FAM110B: variants seen among roughly 807,000 people sequenced by gnomAD.
FAM110B encodes family with sequence similarity 110 member B, also known as protein FAM110B.
FAM110B carries 6 observed loss-of-function variants against 20.4 expected under a neutral mutation model. The observed-to-expected ratio is 0.29, with a 90% confidence interval of 0.16 to 0.58. The LOEUF is 0.58. Among genes scored for constraint, FAM110B ranks in the 20% least tolerant of loss-of-function variants. FAM110B has a pLI of 0.90. For synonymous variants in FAM110B, 226 were observed against 214.1 expected (o/e 1.06, Z -0.49); for missense variants, 434 against 498.2 (o/e 0.87, Z 1.23).
At chr8:58,142,265 C>G (rs531232848) in intron 3 of FAM110B, among the ~76,000 whole-genome samples, 2 of 152,314 alleles carry the variant, frequency 1.3e-5, no homozygotes, top group Admixed American at 1.3e-4. Context: ...GGGCTTCCCC[C>G]CTTTCCTGTT....
chr8:58,145,326 T>TC (rs902228481), intron 3 of FAM110B, among the ~76,000 whole-genome samples: 2 of 152,166 alleles, frequency 1.3e-5, no homozygotes, highest in African/African-American at 4.8e-5. Flanking sequence ...TTTTTTTTTT[T>TC]TTTTTAAACT....
intron 2 of FAM110B, among the ~76,000 whole-genome samples, chr8:58,059,005 G>A (rs997023468): frequency 4.6e-5 from 7 of 152,016 alleles, no homozygotes; most frequent in African/African-American, 1.4e-4. Flanking sequence ...TTCTATAATC[G>A]TGAGTTAGTT....
At chr8:58,075,197 C>T (rs1806002480) in intron 2 of FAM110B, among the ~76,000 whole-genome samples, 1 of 151,506 alleles carries the variant, frequency 6.6e-6, no homozygotes, top group South Asian at 2.1e-4. Context: ...CCTCCACCTC[C>T]CAGGTTCAAG....
chr8:58,006,656 G>A (rs1804409652), intron 1 of FAM110B, among the ~76,000 whole-genome samples: 2 of 150,606 alleles, frequency 1.3e-5, no homozygotes, highest in Non-Finnish European at 3.0e-5. Context: ...AGGCTGGAGT[G>A]CAGTGGCACG....
intron 2 of FAM110B, among the ~76,000 whole-genome samples, chr8:58,038,409 C>T (rs943932654): frequency 1.3e-5 from 2 of 152,104 alleles, no homozygotes; most frequent in Admixed American, 1.3e-4. Context: ...TTCACAATTG[C>T]CTTGTAAATA....
chr8:58,129,805 TCTTA>T (rs1381064438), intron 3 of FAM110B, among the ~76,000 whole-genome samples: 1 of 152,194 alleles, frequency 6.6e-6, no homozygotes, highest in Non-Finnish European at 1.5e-5. Context: ...TTTCTTCCGC[TCTTA>T]CTTTTTTCAT....
chr8:58,074,630 A>T (rs1329373575), intron 2 of FAM110B, among the ~76,000 whole-genome samples: 1 of 152,190 alleles, frequency 6.6e-6, no homozygotes, highest in Non-Finnish European at 1.5e-5. Flanking sequence ...CTTGAATAGT[A>T]CTTGGTCCAT....
At chr8:58,075,271 T>G (rs34428714) in intron 2 of FAM110B, among the ~76,000 whole-genome samples, 19,197 of 134,322 alleles carry the variant, frequency 0.14, 1,394 homozygotes, top group African/African-American at 0.25. Context: ...GCTTTTTTTT[T>G]TTTTTGTGTG....
intron 3 of FAM110B, among the ~76,000 whole-genome samples, chr8:58,114,467 A>G (rs1807146679): frequency 6.6e-6 from 1 of 152,196 alleles, no homozygotes; most frequent in Admixed American, 6.5e-5. Flanking sequence ...AGCCAGCCTC[A>G]TGCTGACCTC....
At chr8:58,090,132 A>G (rs975691574) in intron 3 of FAM110B, among the ~76,000 whole-genome samples, 4 of 152,152 alleles carry the variant, frequency 2.6e-5, no homozygotes, top group Non-Finnish European at 5.9e-5. Context: ...ACTTCCACTT[A>G]ATGAATAGTA....
intron 1 of FAM110B, among the ~76,000 whole-genome samples, chr8:58,011,535 C>T (rs942423347): frequency 1.3e-5 from 2 of 152,140 alleles, no homozygotes; most frequent in Non-Finnish European, 1.5e-5. Context: ...ATGTATGTTA[C>T]GTATATGTTT....
intron 3 of FAM110B, among the ~76,000 whole-genome samples, chr8:58,094,823 G>A (rs141936286): frequency 6.6e-6 from 1 of 152,284 alleles, no homozygotes; most frequent in East Asian, 1.9e-4. Flanking sequence ...CACAAGGAAT[G>A]GTACCAGTTC....
chr8:58,020,407 AT>A (rs1804727907), intron 1 of FAM110B, among the ~76,000 whole-genome samples: 1 of 152,226 alleles, frequency 6.6e-6, no homozygotes, highest in Admixed American at 6.5e-5. Flanking sequence ...TGTACACAAA[AT>A]AATAATATTT....
chr8:58,104,761 T>C (rs931824899), intron 3 of FAM110B, among the ~76,000 whole-genome samples: 4 of 152,186 alleles, frequency 2.6e-5, no homozygotes, highest in African/African-American at 9.7e-5. Context: ...TTGCTTCAAG[T>C]ACTATTTCAA....
chr8:58,053,132 C>T (rs1805486190), intron 2 of FAM110B, among the ~76,000 whole-genome samples: 1 of 152,156 alleles, frequency 6.6e-6, no homozygotes, highest in Non-Finnish European at 1.5e-5. Context: ...GTATATAAAA[C>T]TCTATCAGCT....
At chr8:58,048,640 A>G (rs1021522461) in intron 2 of FAM110B, among the ~76,000 whole-genome samples, 2 of 152,204 alleles carry the variant, frequency 1.3e-5, no homozygotes, top group Non-Finnish European at 2.9e-5. Context: ...AAATGTTCAC[A>G]TGTTTATTAG....
intron 2 of FAM110B, among the ~76,000 whole-genome samples, chr8:58,033,889 C>T (rs1318067964): frequency 2.0e-5 from 3 of 152,194 alleles, no homozygotes; most frequent in Non-Finnish European, 2.9e-5. Flanking sequence ...TCCTGGGATG[C>T]CAGAGCATTG....
intron 3 of FAM110B, among the ~76,000 whole-genome samples, chr8:58,095,155 A>C (rs1806590264): frequency 6.6e-6 from 1 of 152,036 alleles, no homozygotes; most frequent in Admixed American, 6.6e-5. Flanking sequence ...TAGTCTGGCT[A>C]GTGGTCTATC....
intron 2 of FAM110B, among the ~76,000 whole-genome samples, chr8:58,075,027 C>T (rs1180823269): frequency 6.6e-6 from 1 of 151,646 alleles, no homozygotes; most frequent in Non-Finnish European, 1.5e-5. Flanking sequence ...AAATAGTTTC[C>T]AAATGAAGTT....
Sources: gnomAD v4.1 joint callset for allele counts (sites outside exome capture counted in the v4.1 genomes callset) on GRCh38, gnomAD v4.1.1 for gene constraint, MANE v1.5 for transcripts, NCBI Gene and HGNC (gene_info 2026-07-23, HGNC 2026-07-21) for gene names.